CEP112: variants seen among roughly 807,000 people sequenced by gnomAD.
CEP112 encodes the protein centrosomal protein 112.
In CEP112, 127 loss-of-function variants were observed where a neutral mutation model predicts 153.0. That is an observed-to-expected ratio of 0.83 (90% confidence interval 0.72 to 0.96). CEP112 has a LOEUF of 0.96. Among genes scored for constraint, CEP112 ranks in the 40% least tolerant of loss-of-function variants. CEP112 has a pLI of 0.00. For missense variants in CEP112, 1,089 were observed against 1,101.2 expected, an observed-to-expected ratio of 0.99 and a Z score of 0.16; for synonymous variants, 358 against 374.4, an observed-to-expected ratio of 0.96 and a Z score of 0.51.
At chr17:65,700,383 T>C (rs1383447659) in intron 23 of CEP112, among the ~76,000 whole-genome samples, 1 of 152,116 alleles carries the variant, frequency 6.6e-6, no homozygotes, top group Non-Finnish European at 1.5e-5. Context: ...GCATTGTGAC[T>C]GAACACAGGA....
At chr17:65,916,488 T>C (rs1482564680) in intron 19 of CEP112, among the ~76,000 whole-genome samples, 1 of 152,136 alleles carries the variant, frequency 6.6e-6, no homozygotes. Context: ...TTTAATGTAC[T>C]TAAAGAAGGA....
chr17:65,941,382 T>TA (rs886803908), intron 18 of CEP112: 10 of 152,266 alleles, frequency 6.6e-5, no homozygotes, highest in African/African-American at 2.4e-4. Flanking sequence ...CAAAAGATTT[T>TA]AAAAAATTCA....
At position 65,902,186 on chromosome 17, in the gene CEP112, T is replaced by C; in HGVS notation, c.2129A>G (p.Asn710Ser). 3 of 1,613,892 alleles carry C rather than the reference T, an allele frequency of 1.9e-6. No homozygotes were observed. The highest frequency in any genetic ancestry group is 2.5e-6 in the Non-Finnish European group (3 of 1,179,944). Reference sequence around the variant, plus strand: ...TCGTTTCTTGAACTCCTGAATTTGATTTTCGTGCTCCATATTGGCAGCGCG... The same window carrying C: ...TCGTTTCTTGAACTCCTGAATTTGACTTTCGTGCTCCATATTGGCAGCGCG... ...QLRAANMEHE[N>S]QIQEFKKRDA... Residue 710 changes from asparagine to serine, a missense_variant, in exon 20 of 27, where the codon AAT (asparagine) becomes AGT (serine). Coordinates refer to ENST00000535342, the MANE Select transcript of CEP112 (RefSeq NM_001199165.4).
chr17:65,991,452 A>G (rs2063591572), intron 17 of CEP112, among the ~76,000 whole-genome samples: 1 of 152,174 alleles, frequency 6.6e-6, no homozygotes, highest in Admixed American at 6.5e-5. Flanking sequence ...CAAAAGTTAC[A>G]AACTTAATTA....
chr17:65,836,491 T>TA (rs1568092124), intron 21 of CEP112, among the ~76,000 whole-genome samples: 1 of 152,168 alleles, frequency 6.6e-6, no homozygotes, highest in Non-Finnish European at 1.5e-5. Flanking sequence ...CAGGAATAGT[T>TA]ACACTTATAT....
intron 17 of CEP112, among the ~76,000 whole-genome samples, chr17:65,972,877 T>A (rs928863168): frequency 4.6e-5 from 7 of 152,240 alleles, no homozygotes; most frequent in Non-Finnish European, 1.0e-4. Context: ...GTGATTCTCA[T>A]GCCTCAGCCT....
chr17:65,983,292 A>G lies in CEP112; in HGVS notation c.1737-21694T>C, dbSNP rs187748808. ...AGCAGGAGTCCAAATTCAAATGCCT[A>G]CAGGGGCCAACTAACAAAAATGAGG... On this transcript the variant is annotated intron_variant, in intron 17 of 26. Coordinates refer to ENST00000535342, the MANE Select transcript of CEP112 (RefSeq NM_001199165.4). Among the ~76,000 whole-genome samples, 14 of 152,334 alleles carry G rather than the reference A, an allele frequency of 9.2e-5. No homozygotes were observed. The East Asian group carries it at 2.7e-3, about 29-fold the overall frequency.
At chr17:66,038,174 T>C (rs1201667935) in intron 12 of CEP112, among the ~76,000 whole-genome samples, 1 of 151,504 alleles carries the variant, frequency 6.6e-6, no homozygotes, top group Non-Finnish European at 1.5e-5. Flanking sequence ...AGTGAACACC[T>C]GCCAAGACAT....
chr17:65,712,252 G>A (rs1425938200), intron 23 of CEP112, among the ~76,000 whole-genome samples: 1 of 152,154 alleles, frequency 6.6e-6, no homozygotes, highest in Non-Finnish European at 1.5e-5. Context: ...GAAAATCAGA[G>A]TATGAAATTA....
intron 4 of CEP112, among the ~76,000 whole-genome samples, chr17:66,149,488 G>A (rs1448352734): frequency 6.6e-6 from 1 of 152,106 alleles, no homozygotes; most frequent in African/African-American, 2.4e-5. Context: ...AGAGGTTTTT[G>A]ATTATTGATT....
intron 23 of CEP112, among the ~76,000 whole-genome samples, chr17:65,713,798 C>T (rs879830646): frequency 4.6e-5 from 7 of 152,066 alleles, no homozygotes; most frequent in Non-Finnish European, 7.4e-5. Flanking sequence ...CCATGTTAGC[C>T]AGGATGGTCT....
In CEP112 at chr17:65,660,213, TTCCC is replaced by T. The variant is rs1432922984; in HGVS notation, c.2698-19152_2698-19149del. 1.8e-4 allele frequency among the ~76,000 whole-genome samples: 22 copies of T among 123,814 alleles called. 1 individual carries two copies. The highest frequency in any genetic ancestry group is 5.3e-4 in the South Asian group (2 of 3,772). The allele number at this position is 123,814 out of a possible 152,430, so 81.2% of individuals were successfully genotyped here. On this transcript the variant is annotated intron_variant, in intron 24 of 26. Coordinates refer to ENST00000535342, the MANE Select transcript of CEP112 (RefSeq NM_001199165.4). ...CTTCCTTCCTTCCTTCCTTCTTTCC[TTCCC>T]TCCCTCCCTCCTTCCTTCCTCTTTT...
chr17:65,861,911 C>G (rs574966373), intron 20 of CEP112, among the ~76,000 whole-genome samples: 1 of 152,262 alleles, frequency 6.6e-6, no homozygotes, highest in East Asian at 1.9e-4. Context: ...GGCACATGCC[C>G]AATAATGTAC....
chr17:65,663,359 T>A (rs766804680), intron 24 of CEP112, among the ~76,000 whole-genome samples: 1 of 152,318 alleles, frequency 6.6e-6, no homozygotes, highest in Middle Eastern at 3.4e-3. Context: ...TATGGCAAAG[T>A]AGATGTTTGA....
chr17:66,092,356 A>AACACACACACACACACACACAC (rs3056819), intron 8 of CEP112, among the ~76,000 whole-genome samples: 51 of 135,136 alleles, frequency 3.8e-4, no homozygotes, highest in African/African-American at 1.3e-3. Context: ...CATTAATTTA[A>AACACACACACACACACACACAC]ACACACACAC....
intron 20 of CEP112, among the ~76,000 whole-genome samples, chr17:65,900,740 A>G (rs1307186639): frequency 2.0e-5 from 3 of 152,192 alleles, no homozygotes; most frequent in Non-Finnish European, 2.9e-5. Flanking sequence ...ACTAGACAAT[A>G]TTCCTAATAA....
chr17:65,800,810 G>A (rs1428960642), intron 21 of CEP112, among the ~76,000 whole-genome samples: 1 of 152,098 alleles, frequency 6.6e-6, no homozygotes, highest in Non-Finnish European at 1.5e-5. Context: ...ATCCTAGGGG[G>A]TGTGAACTAG....
intron 21 of CEP112, among the ~76,000 whole-genome samples, chr17:65,776,426 G>T (rs991605312): frequency 1.3e-5 from 2 of 152,126 alleles, no homozygotes; most frequent in Non-Finnish European, 2.9e-5. Context: ...AGTAGAGATG[G>T]ATGTTAGCCC....
At chr17:66,017,298 T>C (rs1259223152) in intron 16 of CEP112, among the ~76,000 whole-genome samples, 2 of 152,240 alleles carry the variant, frequency 1.3e-5, no homozygotes, top group Non-Finnish European at 2.9e-5. Context: ...GTCAGTGTGC[T>C]AGCACAAGCA....
Sources: gnomAD v4.1 joint callset for allele counts (sites outside exome capture counted in the v4.1 genomes callset) on GRCh38, gnomAD v4.1.1 for gene constraint, MANE v1.5 for transcripts, NCBI Gene and HGNC (gene_info 2026-07-23, HGNC 2026-07-21) for gene names.